PLCB1: variants seen among roughly 807,000 people sequenced by gnomAD.
PLCB1 encodes phospholipase C beta 1.
In PLCB1, 46 loss-of-function variants were observed where a neutral mutation model predicts 161.8. The observed-to-expected ratio is 0.28, with a 90% CI of 0.22 to 0.36. The LOEUF (loss-of-function observed/expected upper bound fraction) is 0.36, where lower values mean the gene tolerates loss of function less well. Among genes scored for constraint, PLCB1 ranks in the 10% least tolerant of loss-of-function variants. The pLI, the probability that PLCB1 is intolerant of heterozygous loss-of-function variation, is 1.00. For synonymous variants in PLCB1, 517 were observed against 503.7 expected (o/e 1.03, Z -0.35); for missense variants, 1,016 against 1,472.5 (o/e 0.69, Z 5.07).
rs150112117 is a variant in PLCB1, at chr20:8,289,681, A to G, written c.178-81701A>G. 3.0e-4 allele frequency among the ~76,000 whole-genome samples: 46 copies of G among 152,272 alleles called. No homozygotes were observed. In the East Asian group the frequency reaches 6.2e-3, roughly 20 times the overall value. ...GTTATAAGTCAGGTTGACCAGGCTA[A>G]CAAGTAAAGACAATGCATCCCTCTG... On this transcript the variant is annotated intron_variant, in intron 2 of 31. Transcript: ENST00000338037.
In PLCB1 at chr20:8,794,483, T is replaced by G. The variant is rs144434479; in HGVS notation, c.3423+4222T>G. ...CTGCAACAAGATGGGATGAAGTTTT[T>G]TAACTAGAAAGTGATCATAGCTAAG... On this transcript the variant is annotated intron_variant, in intron 31 of 31. Coordinates refer to ENST00000338037, the MANE Select transcript of PLCB1 (RefSeq NM_015192.4). Among the ~76,000 whole-genome samples the G allele has an allele frequency of 7.2e-3, 1,098 of 152,320 alleles. 7 individuals are homozygous for G. The highest frequency in any genetic ancestry group is 0.012 in the Non-Finnish European group (798 of 68,028).
chr20:8,317,630 C>T (rs1984718288), intron 2 of PLCB1, among the ~76,000 whole-genome samples: 1 of 151,986 alleles, frequency 6.6e-6, no homozygotes, highest in African/African-American at 2.4e-5. Context: ...ATTCTTATGC[C>T]CCAGTTTTGA....
intron 26 of PLCB1, among the ~76,000 whole-genome samples, chr20:8,767,997 C>T (rs1010938526): frequency 1.3e-5 from 2 of 151,906 alleles, no homozygotes; most frequent in African/African-American, 4.8e-5. Context: ...TGGTGAAACC[C>T]CATCTCTACT....
At chr20:8,458,036 A>G (rs1022424789) in intron 3 of PLCB1, among the ~76,000 whole-genome samples, 29 of 152,208 alleles carry the variant, frequency 1.9e-4, no homozygotes, top group African/African-American at 6.5e-4. Context: ...TTAGAGTGAA[A>G]CAAAGAGCAG....
At chr20:8,303,507 C>T (rs2123323996) in intron 2 of PLCB1, among the ~76,000 whole-genome samples, 1 of 152,320 alleles carries the variant, frequency 6.6e-6, no homozygotes, top group Admixed American at 6.5e-5. Flanking sequence ...AGTTAAGTGA[C>T]ATTTTACTAT....
intron 2 of PLCB1, among the ~76,000 whole-genome samples, chr20:8,266,263 C>T (rs893730479): frequency 2.0e-5 from 3 of 152,204 alleles, no homozygotes; most frequent in Non-Finnish European, 4.4e-5. Context: ...CATGCCTACA[C>T]TCAGCTCTGT....
chr20:8,842,050 A>G (rs1600374525), intron 31 of PLCB1, among the ~76,000 whole-genome samples: 1 of 151,226 alleles, frequency 6.6e-6, no homozygotes, highest in South Asian at 2.1e-4. Flanking sequence ...ACCTTGGCTT[A>G]TATAACCACT....
At chr20:8,662,662 T>G (rs2123338336) in intron 9 of PLCB1, among the ~76,000 whole-genome samples, 2 of 150,230 alleles carry the variant, frequency 1.3e-5, no homozygotes, top group East Asian at 3.9e-4. Flanking sequence ...AACGTGCACC[T>G]GAATCACCTG....
intron 2 of PLCB1, among the ~76,000 whole-genome samples, chr20:8,363,077 T>A (rs1238339724): frequency 1.3e-5 from 2 of 152,194 alleles, no homozygotes; most frequent in Non-Finnish European, 2.9e-5. Context: ...CAGTCATTTT[T>A]ATGCAGGGTG....
chr20:8,541,595 A>AGAAAGAAAGAAAGAAAGAAG (rs1158864787), intron 3 of PLCB1, among the ~76,000 whole-genome samples: 35 of 151,812 alleles, frequency 2.3e-4, no homozygotes, highest in African/African-American at 8.2e-4. Flanking sequence ...AAAGAAAGAA[A>AGAAAGAAAGAAAGAAAGAAG]GAAAGAAAGA....
At chr20:8,254,381 A>G (rs1160571737) in intron 2 of PLCB1, among the ~76,000 whole-genome samples, 1 of 151,970 alleles carries the variant, frequency 6.6e-6, no homozygotes, top group African/African-American at 2.4e-5. Flanking sequence ...TATTTGTTTC[A>G]TTTAAGTAAA....
At chr20:8,335,547 G>A (rs1167663980) in intron 2 of PLCB1, among the ~76,000 whole-genome samples, 1 of 152,074 alleles carries the variant, frequency 6.6e-6, no homozygotes, top group Non-Finnish European at 1.5e-5. Flanking sequence ...TTCCCTGTTG[G>A]CTACACTTGA....
intron 2 of PLCB1, among the ~76,000 whole-genome samples, chr20:8,183,281 A>G (rs755093009): frequency 3.3e-5 from 5 of 152,216 alleles, no homozygotes; most frequent in Non-Finnish European, 2.9e-5. Context: ...ATTAAGTGGC[A>G]TATGTAAAAT....
At chr20:8,244,680 G>T (rs932988796) in intron 2 of PLCB1, among the ~76,000 whole-genome samples, 2 of 151,820 alleles carry the variant, frequency 1.3e-5, no homozygotes, top group East Asian at 3.9e-4. Flanking sequence ...ATCCCACTGT[G>T]CACGAAGGTT....
intron 2 of PLCB1, among the ~76,000 whole-genome samples, chr20:8,200,591 C>T (rs1474156443): frequency 1.3e-5 from 2 of 151,886 alleles, no homozygotes; most frequent in East Asian, 3.9e-4. Flanking sequence ...GAATATTGAT[C>T]TAGTAACCCA....
intron 3 of PLCB1, among the ~76,000 whole-genome samples, chr20:8,408,034 G>C (rs1013760086): frequency 1.3e-5 from 2 of 152,084 alleles, no homozygotes; most frequent in African/African-American, 4.8e-5. Flanking sequence ...CCTGGAACAA[G>C]GAAAGGACAC....
At chr20:8,679,190 A>G (rs1990157191) in intron 9 of PLCB1, among the ~76,000 whole-genome samples, 1 of 152,184 alleles carries the variant, frequency 6.6e-6, no homozygotes, top group African/African-American at 2.4e-5. Flanking sequence ...TTGCTGGAGA[A>G]ATATGAACTG....
chr20:8,656,303 G>T (rs1026007505), intron 7 of PLCB1, among the ~76,000 whole-genome samples: 8 of 152,000 alleles, frequency 5.3e-5, no homozygotes, highest in African/African-American at 1.9e-4. Flanking sequence ...CTATCTGTTT[G>T]CAAGTGGTGA....
At chr20:8,846,458 A>G (rs772976563) in intron 31 of PLCB1, among the ~76,000 whole-genome samples, 1 of 152,140 alleles carries the variant, frequency 6.6e-6, no homozygotes, top group Non-Finnish European at 1.5e-5. Context: ...TTTAATATGC[A>G]TGCTAATCAA....
Sources: gnomAD v4.1 joint callset for allele counts (sites outside exome capture counted in the v4.1 genomes callset) on GRCh38, gnomAD v4.1.1 for gene constraint, MANE v1.5 for transcripts, NCBI Gene and HGNC (gene_info 2026-07-23, HGNC 2026-07-21) for gene names.